TM4SF4: variants seen among roughly 807,000 people sequenced by gnomAD.
The protein encoded by TM4SF4 is transmembrane 4 L six family member 4.
In TM4SF4, 24 loss-of-function variants were observed where a neutral mutation model predicts 24.1. The ratio of observed to expected loss-of-function variants is 1.00; its 90% confidence interval spans 0.72 to 1.40. The LOEUF (loss-of-function observed/expected upper bound fraction) is 1.40, where lower values mean the gene tolerates loss of function less well. Among genes scored for constraint, TM4SF4 ranks in the 40% most tolerant of loss-of-function variants. TM4SF4 has a pLI of 0.00. For synonymous variants in TM4SF4, 113 were observed against 97.0 expected, an observed-to-expected ratio of 1.17 and a Z score of -0.97; for missense variants, 254 against 254.2, an observed-to-expected ratio of 1.00 and a Z score of 0.01.
chr3:149,479,764 G>A (rs1734002160), intron 2 of TM4SF4, among the ~76,000 whole-genome samples: 1 of 152,194 alleles, frequency 6.6e-6, no homozygotes, highest in Non-Finnish European at 1.5e-5. Context: ...CTGCTGGGCT[G>A]AATCCTCTGT....
intron 2 of TM4SF4, among the ~76,000 whole-genome samples, chr3:149,482,510 T>C (rs1250093438): frequency 6.6e-6 from 1 of 152,180 alleles, no homozygotes; most frequent in East Asian, 1.9e-4. Flanking sequence ...TTGAAGTGTC[T>C]ACCCTCTAAT....
chr3:149,479,059 G>A (rs1220706346), intron 2 of TM4SF4, among the ~76,000 whole-genome samples: 6 of 152,144 alleles, frequency 3.9e-5, no homozygotes, highest in East Asian at 1.9e-4. Context: ...GAGCCACTGC[G>A]CCTGGCCGAT....
chr3:149,493,155 G>T (rs9842794), intron 3 of TM4SF4, among the ~76,000 whole-genome samples: 61,615 of 151,958 alleles, frequency 0.41, 14,404 homozygotes, highest in South Asian at 0.56. Flanking sequence ...AAAGTATTAT[G>T]GTAAATGGAA....
In TM4SF4 at chr3:149,482,365, C is replaced by A. The variant is rs149243734; in HGVS notation, c.265-5254C>A. On this transcript the variant is annotated intron_variant, in intron 2 of 4. Coordinates refer to ENST00000305354, the MANE Select transcript of TM4SF4 (RefSeq NM_004617.4). ...TAGAGTATGCCCATAGCACAAAAACCGCAAAGGAAGACTCCCTTATCTGAT... is the reference window on the plus strand; with the variant it reads ...TAGAGTATGCCCATAGCACAAAAACAGCAAAGGAAGACTCCCTTATCTGAT... Among the ~76,000 whole-genome samples the A allele has an allele frequency of 2.0e-5, 3 of 152,274 alleles. No individual in the cohort carries two copies. The East Asian group carries it at 5.8e-4, about 29-fold the overall frequency.
At chr3:149,478,355 G>A (rs1044754573) in intron 2 of TM4SF4, among the ~76,000 whole-genome samples, 2 of 152,162 alleles carry the variant, frequency 1.3e-5, no homozygotes, top group African/African-American at 4.8e-5. Flanking sequence ...ATGTTAGCCA[G>A]GCTGGTCTGG....
intron 2 of TM4SF4, among the ~76,000 whole-genome samples, chr3:149,484,108 A>G (rs1734078600): frequency 6.6e-6 from 1 of 152,024 alleles, no homozygotes; most frequent in East Asian, 1.9e-4. Context: ...ATAAATATTC[A>G]TGTTTCTTTT....
Position 149,502,840 on chromosome 3 carries a change from G to T in TM4SF4, c.*147G>T, listed in dbSNP as rs1188526441. On this transcript the variant is annotated 3_prime_UTR_variant, in exon 5 of 5. Transcript: ENST00000305354. ...GGCAGTTATTCCTTCTTTCCAACCA[G>T]CTTTGCTCGAGTTAGAATTTTGTTA... 9.0e-6 allele frequency: 5 copies of T among 556,128 alleles called. No homozygotes were observed. Among genetic ancestry groups the T allele is most frequent in the Non-Finnish European group, 1.6e-5 (5 of 312,420 alleles). 34.4% of individuals were successfully genotyped at this position (556,128 alleles called of 1,614,324 possible). A position where few individuals can be genotyped will look rare whatever the true frequency, so the allele number is the denominator to read the frequency against.
chr3:149,483,600 G>T (rs958674166), intron 2 of TM4SF4, among the ~76,000 whole-genome samples: 3 of 150,608 alleles, frequency 2.0e-5, no homozygotes, highest in African/African-American at 4.9e-5. Context: ...CTGAACTGCA[G>T]GTATAAGGCA....
rs748696680 is a variant in TM4SF4 at position 149,498,880 on chromosome 3, G to A, written c.560G>A (p.Cys187Tyr). Residue 187 changes from cysteine to tyrosine, a missense_variant, in exon 4 of 5, where the codon TGT becomes TAT. Transcript: ENST00000305354. ...QVVNGLLGTLCGDCQCCGCCG... is the reference protein window; with the variant it reads ...QVVNGLLGTLYGDCQCCGCCG... The stretch of plus-strand genomic sequence containing the variant: ...GTCAATGGCCTCCTGGGGACCCTCT[G>A]TGGGGACTGCCAGTGTTGTGGCTGC... 1 of 1,613,872 alleles carries A rather than the reference G, an allele frequency of 6.2e-7. No homozygotes were observed. The highest frequency in any genetic ancestry group is 2.2e-5 in the East Asian group (1 of 44,896).
chr3:149,498,227 A>G (rs985236950), intron 3 of TM4SF4, among the ~76,000 whole-genome samples: 28 of 152,140 alleles, frequency 1.8e-4, no homozygotes, highest in African/African-American at 6.0e-4. Context: ...TGGCCACTAC[A>G]CTTGACAAGT....
At chr3:149,475,733 A>G in intron 1 of TM4SF4, 90 bp from the exon 2 acceptor site, 1 of 1,117,288 alleles carries the variant, frequency 9.0e-7, no homozygotes, top group Non-Finnish European at 1.3e-6. Context: ...CAAATCCCTC[A>G]TTGTGGATGG....
At position 149,474,785 on chromosome 3, in the gene TM4SF4, A is replaced by G; in HGVS notation, c.-93A>G. The G allele has an allele frequency of 1.5e-6, 2 of 1,362,492 alleles. No homozygotes were observed. Among genetic ancestry groups the G allele is most frequent in the Non-Finnish European group, 2.0e-6 (2 of 1,007,188 alleles). The allele number at this position is 1,362,492 out of a possible 1,614,324, so 84.4% of individuals were successfully genotyped here. A position where few individuals can be genotyped will look rare whatever the true frequency, so the allele number is the denominator to read the frequency against. On this transcript the variant is annotated 5_prime_UTR_variant, in exon 1 of 5. Coordinates refer to ENST00000305354, the MANE Select transcript of TM4SF4 (RefSeq NM_004617.4). ...AATACTGATTGAATTGGAGACAATT[A>G]CAAGGACTCTCTGGCCAAAAACCCT...
intron 2 of TM4SF4, 98 bp downstream of exon 2, chr3:149,476,010 C>A (rs10460856): frequency 0.014 from 14,441 of 1,013,570 alleles, 709 homozygotes; most frequent in East Asian, 0.13. Flanking sequence ...TCAGCTCCAG[C>A]CAGGACTCTG....
intron 2 of TM4SF4, among the ~76,000 whole-genome samples, chr3:149,477,085 G>A (rs1733945848): frequency 6.6e-6 from 1 of 151,962 alleles, no homozygotes; most frequent in Non-Finnish European, 1.5e-5. Flanking sequence ...CAGGTGTGAG[G>A]CACTGTGCCC....
chr3:149,480,290 C>A (rs946468657), intron 2 of TM4SF4, among the ~76,000 whole-genome samples: 3 of 152,060 alleles, frequency 2.0e-5, no homozygotes, highest in Non-Finnish European at 4.4e-5. Flanking sequence ...AGTGGGGGAG[C>A]AAATTAATTT....
rs1206323902 is a variant in TM4SF4, at chr3:149,475,808, C to T, written c.175-15C>T. On this transcript the variant is annotated splice_polypyrimidine_tract_variant and intron_variant, in intron 1 of 4. Transcript: ENST00000305354. ...AACTCCTGGACTCTCTCTGAGGTGC[C>T]TCTTCTCCTGGTAGATGATCTTCCC... 1.2e-6 allele frequency: 2 copies of T among 1,600,392 alleles called. No homozygotes were observed. The highest frequency in any genetic ancestry group is 2.7e-5 in the African/African-American group (2 of 74,848).
intron 2 of TM4SF4, among the ~76,000 whole-genome samples, chr3:149,481,565 A>T (rs1270579100): frequency 1.3e-5 from 2 of 152,202 alleles, no homozygotes; most frequent in Non-Finnish European, 2.9e-5. Flanking sequence ...AAGAAAAAAC[A>T]CTTCAGGTAA....
chr3:149,498,892 A>G lies in TM4SF4; in HGVS notation c.572A>G (p.Gln191Arg), dbSNP rs563582191. The G allele has an allele frequency of 2.0e-5, 33 of 1,613,900 alleles. No homozygotes were observed. The East Asian group carries it at 5.6e-4, about 27-fold the overall frequency. The part of the protein sequence containing the change: ...GLLGTLCGDC[Q>R]CCGCCGGDGP... ...CTGGGGACCCTCTGTGGGGACTGCCAGTGTTGTGGCTGCTGTGGGGTAAGT... is the reference window on the plus strand; with the variant it reads ...CTGGGGACCCTCTGTGGGGACTGCCGGTGTTGTGGCTGCTGTGGGGTAAGT... Residue 191 changes from glutamine (Q) to arginine (R), a missense_variant, in exon 4 of 5, where the codon CAG becomes CGG. By Grantham distance (43) the Gln-to-Arg change is conservative. Transcript: ENST00000305354.
chr3:149,476,878 G>A (rs1477947067), intron 2 of TM4SF4, among the ~76,000 whole-genome samples: 7 of 137,532 alleles, frequency 5.1e-5, no homozygotes, highest in African/African-American at 1.9e-4. Context: ...TTGGCTCACA[G>A]CAGGCTTGAA....
Sources: allele counts gnomAD v4.1 joint callset (sites outside exome capture counted in the v4.1 genomes callset), GRCh38; gene constraint gnomAD v4.1.1; transcripts MANE v1.5; gene names NCBI Gene and HGNC (gene_info 2026-07-23, HGNC 2026-07-21).